The following ADGRL1 variants were observed in gnomAD, a reference collection of about 807,000 sequenced individuals.
ADGRL1 encodes the protein CIRL-1.
ADGRL1 carries 31 observed loss-of-function variants against 148.9 expected under a neutral mutation model. The ratio of observed to expected loss-of-function variants is 0.21; its 90% CI spans 0.16 to 0.28. ADGRL1 has a LOEUF of 0.28. Among genes scored for constraint, ADGRL1 ranks in the 10% least tolerant of loss-of-function variants. The pLI is 1.00. For missense variants in ADGRL1, 1,521 were observed against 2,058.8 expected, an observed-to-expected ratio of 0.74 and a Z score of 5.05; for synonymous variants, 937 against 900.3, an observed-to-expected ratio of 1.04 and a Z score of -0.73.
chr19:14,195,509 C>T (rs1207304908), intron 1 of ADGRL1, among the ~76,000 whole-genome samples: 2 of 152,004 alleles, frequency 1.3e-5, no homozygotes, highest in Non-Finnish European at 2.9e-5. Context: ...GGGATCTGGG[C>T]CCCCTTCATG....
intron 3 of ADGRL1, among the ~76,000 whole-genome samples, chr19:14,175,298 C>G (rs1970742806): frequency 6.6e-6 from 1 of 152,126 alleles, no homozygotes; most frequent in Admixed American, 6.5e-5. Flanking sequence ...CAAATACACT[C>G]TCAGTCAACC....
chr19:14,156,552 A>AGTGT (rs3830196), intron 16 of ADGRL1, 106 bp downstream of exon 16: 31 of 459,248 alleles, frequency 6.8e-5, no homozygotes, highest in African/African-American at 6.3e-4. Flanking sequence ...AGAGAGAGAG[A>AGTGT]GTGTGTGTGT....
rs200655157 is a variant in ADGRL1 at position 14,161,389 on chromosome 19, C to T, written c.1433G>A (p.Arg478Gln). 1.9e-4 allele frequency: 297 copies of T among 1,589,670 alleles called. 3 individuals carry two copies. Among genetic ancestry groups the T allele is most frequent in the Admixed American group, 1.1e-4 (6 of 55,740 alleles). ...HVSPELFCEPREVRRVQWPAT... is the reference protein window; with the variant it reads ...HVSPELFCEPQEVRRVQWPAT... ...CGGCCACTGGACCCGCCGTACCTCT[C>T]GGGGCTCGCAGAAGAGCTCAGGGGA... Residue 478 changes from arginine to glutamine, a missense_variant, in exon 6 of 23, where the codon CGA (arginine) becomes CAA (glutamine). Physicochemically the swap from Arg to Gln is conservative, Grantham distance 43 (BLOSUM62 1). This residue lies in a region of ADGRL1 where 270 missense variants were observed against 320.4 expected (regional missense o/e 0.84). Coordinates refer to ENST00000361434, the MANE Select transcript of ADGRL1 (RefSeq NM_014921.5). This position sits in a 1 kb window ranked among gnomAD's most constrained non-coding sequence, Gnocchi z 4.4.
intron 17 of ADGRL1, 41 bp downstream of exon 17, chr19:14,156,069 G>T (rs1324067081): frequency 1.3e-6 from 2 of 1,496,594 alleles, no homozygotes; most frequent in African/African-American, 1.4e-5. Context: ...GTGGGGCGGG[G>T]GTGGGTGATG....
intron 1 of ADGRL1, among the ~76,000 whole-genome samples, chr19:14,197,555 A>T (rs1262057455): frequency 6.6e-6 from 1 of 151,910 alleles, no homozygotes; most frequent in East Asian, 1.9e-4. Flanking sequence ...CCACCTTCCC[A>T]TCACTTCTAC....
intron 3 of ADGRL1, among the ~76,000 whole-genome samples, chr19:14,176,032 C>A (rs912577557): frequency 2.7e-5 from 4 of 147,038 alleles, no homozygotes; most frequent in South Asian, 4.4e-4. Context: ...GCAGCCTGGG[C>A]GACAGAGCAA....
rs1240403064 is a variant in ADGRL1, at chr19:14,183,611, C to T, written c.-9G>A. On this transcript the variant is annotated 5_prime_UTR_variant, in exon 2 of 23. Coordinates refer to ENST00000361434, the MANE Select transcript of ADGRL1 (RefSeq NM_014921.5). Reference sequence around the variant, plus strand: ...GCGGCTAGGCGGGCCATGGTGGCAGCCGGGTGCGTGTCCGGAGCTCTCAGT... The same window carrying T: ...GCGGCTAGGCGGGCCATGGTGGCAGTCGGGTGCGTGTCCGGAGCTCTCAGT... 74 of 1,567,156 alleles carry T rather than the reference C, an allele frequency of 4.7e-5. No individual in the cohort carries two copies. The highest frequency in any genetic ancestry group is 6.2e-5 in the Non-Finnish European group (72 of 1,155,660).
intron 4 of ADGRL1, chr19:14,169,653 G>A (rs2144858230): frequency 6.6e-6 from 1 of 152,316 alleles, no homozygotes; most frequent in Admixed American, 6.5e-5. Context: ...AGGTTGGGGT[G>A]GGAGGGGAGA....
At position 14,161,376 on chromosome 19, in the gene ADGRL1, C is replaced by G. The variant is rs1441608909; in HGVS notation, c.1446G>C (p.Arg482=). Residue 482 remains arginine, a synonymous_variant, in exon 6 of 23, where the codon CGG becomes CGC. Transcript: ENST00000361434. This position sits in a 1 kb window ranked among gnomAD's most constrained non-coding sequence, Gnocchi z 4.4. ...ELFCEPREVR[R]VQWPATQQGM... ...CCTGCTGGGTGGCCGGCCACTGGAC[C>G]CGCCGTACCTCTCGGGGCTCGCAGA... 6.3e-7 allele frequency: 1 copy of G among 1,595,274 alleles called. No individual in the cohort carries two copies. Among genetic ancestry groups the G allele is most frequent in the African/African-American group, 1.4e-5 (1 of 74,066 alleles).
Position 14,156,100 on chromosome 19 carries a change from C to T in ADGRL1, c.3125+10G>A, listed in dbSNP as rs771089401. The T allele has an allele frequency of 2.2e-5, 36 of 1,602,894 alleles. No individual in the cohort carries two copies. The highest frequency in any genetic ancestry group is 2.8e-5 in the Non-Finnish European group (33 of 1,175,948). On this transcript the variant is annotated intron_variant, in intron 17 of 22. Transcript: ENST00000361434. ...TGATGGGGCAGGGGGCAGGCAGGGG[C>T]GAGGCTCACTTAATGTTGTCCAGGC... is the stretch of plus-strand genomic sequence containing the variant.
Position 14,161,354 on chromosome 19 carries a change from G to C in ADGRL1, c.1468C>G (p.Gln490Glu). The C allele has an allele frequency of 6.3e-7, 1 of 1,589,400 alleles. No individual in the cohort carries two copies. Among genetic ancestry groups the C allele is most frequent in the African/African-American group, 1.3e-5 (1 of 74,172 alleles). ...VRRVQWPATQ[Q>E]GMLVERPCPK... is the part of the protein sequence containing the mutation. Reference sequence around the variant, plus strand: ...CAGGGCCTCTCCACCAGCATGCCCTGCTGGGTGGCCGGCCACTGGACCCGC... The same window carrying C: ...CAGGGCCTCTCCACCAGCATGCCCTCCTGGGTGGCCGGCCACTGGACCCGC... Residue 490 changes from glutamine to glutamate, a missense_variant, in exon 6 of 23, where the codon CAG (glutamine) becomes GAG (glutamate). Physicochemically the swap from Gln to Glu is conservative, Grantham distance 29 (BLOSUM62 2). Transcript: ENST00000361434. The surrounding 1 kb of genome is among the most constrained non-coding windows in gnomAD (Gnocchi z 4.4).
chr19:14,199,556 C>G (rs544563480), intron 1 of ADGRL1, among the ~76,000 whole-genome samples: 1 of 152,032 alleles, frequency 6.6e-6, no homozygotes, highest in Admixed American at 6.6e-5. Context: ...TCCCAAGTAG[C>G]TGGGACCACA....
At chr19:14,156,609 G>C in intron 16 of ADGRL1, 49 bp downstream of exon 16, 1 of 1,518,218 alleles carries the variant, frequency 6.6e-7, no homozygotes. Flanking sequence ...GTCAAGGCCA[G>C]CCTGGATGAA....
In ADGRL1 at chr19:14,152,015, G is replaced by A. The variant is rs1254139477; in HGVS notation, c.3667+118C>T. Reference sequence around the variant, plus strand: ...CAGAGGCTGTGTGTCGGGGGGTGGGGAAATGTGGGCATGGGGAGGCATCCC... The same window carrying A: ...CAGAGGCTGTGTGTCGGGGGGTGGGAAAATGTGGGCATGGGGAGGCATCCC... On this transcript the variant is annotated intron_variant, in intron 22 of 22. Transcript: ENST00000361434. This position sits in a 1 kb window ranked among gnomAD's most constrained non-coding sequence, Gnocchi z 6.1. The A allele has an allele frequency of 1.1e-5, 10 of 924,844 alleles. No homozygotes were observed. Among genetic ancestry groups the A allele is most frequent in the Non-Finnish European group, 1.4e-5 (8 of 564,616 alleles). The allele number at this position is 924,844 out of a possible 1,614,324, so 57.3% of individuals were successfully genotyped here.
intron 1 of ADGRL1, among the ~76,000 whole-genome samples, chr19:14,200,247 C>T (rs1486109639): frequency 6.6e-6 from 1 of 152,152 alleles, no homozygotes; most frequent in Non-Finnish European, 1.5e-5. Flanking sequence ...ATCGAGGAAG[C>T]GGGTTGTGAG....
Position 14,153,411 on chromosome 19 carries a change from A to ATTTT in ADGRL1, c.3295-503_3295-500dup, listed in dbSNP as rs36035971. Reference sequence around the variant, plus strand: ...AGTGCTGACTTGGGAGCAGGTTGTGATTTTTTTTTTTTTTTTTTTTTTGAG... The same window carrying ATTTT: ...AGTGCTGACTTGGGAGCAGGTTGTGATTTTTTTTTTTTTTTTTTTTTTTTTTGAG... On this transcript the variant is annotated intron_variant, in intron 18 of 22. Coordinates refer to ENST00000361434, the MANE Select transcript of ADGRL1 (RefSeq NM_014921.5). Among the ~76,000 whole-genome samples, 81 of 112,294 alleles carry ATTTT rather than the reference A, an allele frequency of 7.2e-4. 2 individuals are homozygous for ATTTT. Among genetic ancestry groups the ATTTT allele is most frequent in the African/African-American group, 2.9e-3 (78 of 27,108 alleles). 73.7% of individuals were successfully genotyped at this position (112,294 alleles called of 152,430 possible). A position where few individuals can be genotyped will look rare whatever the true frequency, so the allele number is the denominator to read the frequency against.
chr19:14,182,681 G>T (rs78893974), intron 2 of ADGRL1, among the ~76,000 whole-genome samples: 4 of 152,236 alleles, frequency 2.6e-5, no homozygotes, highest in African/African-American at 7.2e-5. Context: ...GGCTGGCTCA[G>T]ATGGGTCTGG....
chr19:14,188,358 G>A (rs990253950), intron 1 of ADGRL1, among the ~76,000 whole-genome samples: 1 of 152,090 alleles, frequency 6.6e-6, no homozygotes, highest in Non-Finnish European at 1.5e-5. Context: ...GCCAGTCAGG[G>A]CACAAAGACA....
intron 3 of ADGRL1, among the ~76,000 whole-genome samples, chr19:14,177,247 C>T (rs1373527729): frequency 1.3e-5 from 2 of 151,980 alleles, no homozygotes; most frequent in African/African-American, 4.8e-5. Context: ...AAACAAACTG[C>T]CCTGGCTAAT....
Sources: allele counts gnomAD v4.1 joint callset (sites outside exome capture counted in the v4.1 genomes callset), GRCh38; gene constraint gnomAD v4.1.1; regional missense constraint gnomAD v4.1.1; non-coding constraint Gnocchi (gnomAD v3.1); transcripts MANE v1.5; gene names NCBI Gene and HGNC (gene_info 2026-07-23, HGNC 2026-07-21).